The following ADAMTSL1 variants were observed in gnomAD, a reference collection of about 807,000 sequenced individuals.
ADAMTSL1 encodes the protein ADAMTS-like protein 1.
A neutral mutation model predicts 201.8 loss-of-function variants in ADAMTSL1; 126 were observed. The observed-to-expected ratio is 0.62, with a 90% CI of 0.54 to 0.72. The LOEUF (loss-of-function observed/expected upper bound fraction) is 0.72. ADAMTSL1 is among the 30% of genes least tolerant of loss of function. The pLI is 0.00. For synonymous variants in ADAMTSL1, 1,121 were observed against 903.4 expected (o/e 1.24, Z -4.32); for missense variants, 2,679 against 2,277.8 (o/e 1.18, Z -3.59).
At chr9:18,209,353 A>G (rs1304487456) in intron 2 of ADAMTSL1, among the ~76,000 whole-genome samples, 2 of 152,182 alleles carry the variant, frequency 1.3e-5, no homozygotes, top group Non-Finnish European at 1.5e-5. Flanking sequence ...ACATTTATGC[A>G]TTTAACTTAA....
intron 2 of ADAMTSL1, among the ~76,000 whole-genome samples, chr9:18,458,552 G>C (rs1587273641): frequency 2.0e-5 from 3 of 152,132 alleles, no homozygotes; most frequent in Admixed American, 2.0e-4. Context: ...TTCATGTCGA[G>C]TGTCAAATTC....
At chr9:18,540,716 T>C (rs1015946983) in intron 3 of ADAMTSL1, among the ~76,000 whole-genome samples, 7 of 152,202 alleles carry the variant, frequency 4.6e-5, no homozygotes, top group Admixed American at 3.9e-4. Flanking sequence ...CTACCCCTTC[T>C]GTGCATTTCT....
intron 1 of ADAMTSL1, among the ~76,000 whole-genome samples, chr9:18,000,281 T>C: frequency 6.6e-6 from 1 of 151,972 alleles, no homozygotes; most frequent in Non-Finnish European, 1.5e-5. Context: ...TTCCTGACTT[T>C]TTAATGATTA....
chr9:18,094,247 C>G (rs1003964238), intron 1 of ADAMTSL1, among the ~76,000 whole-genome samples: 4 of 152,098 alleles, frequency 2.6e-5, no homozygotes, highest in Non-Finnish European at 5.9e-5. Context: ...AGACTAAGAC[C>G]CAGGGAGAAG....
chr9:18,887,878 G>A lies in ADAMTSL1; in HGVS notation c.4297G>A (p.Gly1433Ser). Residue 1433 changes from glycine to serine, a missense_variant, in exon 24 of 29, where the codon GGT becomes AGT. Transcript: ENST00000380548. ...HPVPNITWFHGGQPIVTATGL... is the reference protein window; with the variant it reads ...HPVPNITWFHSGQPIVTATGL... Reference sequence around the variant, plus strand: ...TGTCCCTAATATCACCTGGTTTCATGGTGGTCAGCCAATTGTCACTGCCAC... The same window carrying A: ...TGTCCCTAATATCACCTGGTTTCATAGTGGTCAGCCAATTGTCACTGCCAC... 1.2e-6 allele frequency: 2 copies of A among 1,613,928 alleles called. No homozygotes were observed. Among genetic ancestry groups the A allele is most frequent in the Non-Finnish European group, 1.7e-6 (2 of 1,179,876 alleles).
chr9:18,652,275 G>C (rs770228443), intron 7 of ADAMTSL1, among the ~76,000 whole-genome samples: 6 of 149,756 alleles, frequency 4.0e-5, no homozygotes, highest in Non-Finnish European at 8.9e-5. Flanking sequence ...GGGAGGCTGA[G>C]GCAGGAAAAT....
chr9:18,187,125 T>A (rs1828772886), intron 2 of ADAMTSL1, among the ~76,000 whole-genome samples: 1 of 152,116 alleles, frequency 6.6e-6, no homozygotes, highest in Admixed American at 6.6e-5. Context: ...GTAACTCACA[T>A]TTGGAGTGAT....
At chr9:18,572,532 T>C (rs1286503011) in intron 3 of ADAMTSL1, among the ~76,000 whole-genome samples, 1 of 152,216 alleles carries the variant, frequency 6.6e-6, no homozygotes, top group Non-Finnish European at 1.5e-5. Flanking sequence ...GTTTATTCAC[T>C]CTGAGAACAC....
At chr9:18,371,248 T>C (rs1380216780) in intron 2 of ADAMTSL1, among the ~76,000 whole-genome samples, 1 of 152,196 alleles carries the variant, frequency 6.6e-6, no homozygotes, top group Admixed American at 6.5e-5. Context: ...AGATCTTGAA[T>C]CAAGTTTGCT....
At chr9:17,918,725 T>G (rs1826196437) in intron 1 of ADAMTSL1, among the ~76,000 whole-genome samples, 1 of 151,906 alleles carries the variant, frequency 6.6e-6, no homozygotes, top group Non-Finnish European at 1.5e-5. Flanking sequence ...TTCCATACAC[T>G]TACTGATTTT....
intron 2 of ADAMTSL1, among the ~76,000 whole-genome samples, chr9:18,265,647 C>T (rs1394592490): frequency 6.6e-6 from 1 of 152,050 alleles, no homozygotes; most frequent in African/African-American, 2.4e-5. Flanking sequence ...TTTCTTTTTG[C>T]TATTTATTTT....
At chr9:18,802,311 C>G (rs1473529240) in intron 20 of ADAMTSL1, among the ~76,000 whole-genome samples, 1 of 152,080 alleles carries the variant, frequency 6.6e-6, no homozygotes, top group Admixed American at 6.6e-5. Flanking sequence ...CATCACCACA[C>G]TCAATTTTAG....
intron 20 of ADAMTSL1, among the ~76,000 whole-genome samples, chr9:18,802,762 T>C (rs1822880642): frequency 6.6e-6 from 1 of 152,216 alleles, no homozygotes; most frequent in Non-Finnish European, 1.5e-5. Context: ...CGCATTTATG[T>C]TTACTATTGA....
intron 2 of ADAMTSL1, among the ~76,000 whole-genome samples, chr9:18,405,841 C>T (rs1818169513): frequency 6.6e-6 from 1 of 152,152 alleles, no homozygotes; most frequent in South Asian, 2.1e-4. Context: ...CTTCACCTGA[C>T]CATTTCATGG....
At chr9:18,794,626 G>GT (rs61153622) in intron 19 of ADAMTSL1, among the ~76,000 whole-genome samples, 21,471 of 135,610 alleles carry the variant, frequency 0.16, 2,156 homozygotes, top group East Asian at 0.37. Context: ...GTTTTTTGTT[G>GT]TTTTTTTTTG....
intron 1 of ADAMTSL1, among the ~76,000 whole-genome samples, chr9:18,095,878 C>T (rs780997203): frequency 1.3e-5 from 2 of 152,160 alleles, no homozygotes; most frequent in Non-Finnish European, 2.9e-5. Context: ...TCAGCAATGC[C>T]TACTGCTACT....
intron 23 of ADAMTSL1, among the ~76,000 whole-genome samples, chr9:18,830,535 A>T (rs117261958): frequency 6.6e-6 from 1 of 152,168 alleles, no homozygotes; most frequent in Non-Finnish European, 1.5e-5. Flanking sequence ...CCTCCCTGTC[A>T]TCTAGTGTTG....
intron 8 of ADAMTSL1, 129 bp from the exon 9 acceptor site, chr9:18,661,806 T>C (rs1475413645): frequency 5.1e-6 from 5 of 988,764 alleles, no homozygotes; most frequent in African/African-American, 1.7e-5. Flanking sequence ...CAATTATGTG[T>C]CTTTTTTCCT....
At chr9:18,626,839 T>TTTTC (rs752168419) in intron 5 of ADAMTSL1, among the ~76,000 whole-genome samples, 24,907 of 133,024 alleles carry the variant, frequency 0.19, 2,607 homozygotes, top group Middle Eastern at 0.25. Context: ...CTTACTTTCT[T>TTTTC]TTTCTTTCTT....
Sources: allele counts gnomAD v4.1 joint callset (sites outside exome capture counted in the v4.1 genomes callset), GRCh38; gene constraint gnomAD v4.1.1; transcripts MANE v1.5; gene names NCBI Gene and HGNC (gene_info 2026-07-23, HGNC 2026-07-21).